The following MTMR7 variants were observed in gnomAD, a reference collection of about 807,000 sequenced individuals.
MTMR7 encodes the protein phosphatidylinositol-3-phosphate phosphatase MTMR7.
MTMR7 carries 76 observed loss-of-function variants against 81.2 expected under a neutral mutation model. The ratio of observed to expected loss-of-function variants is 0.94; its 90% confidence interval spans 0.78 to 1.13. The LOEUF (loss-of-function observed/expected upper bound fraction) is 1.13. MTMR7 is among the 50% of genes most tolerant of loss of function. The pLI, the probability that MTMR7 is intolerant of heterozygous loss-of-function variation, is 0.00. For synonymous variants in MTMR7, 372 were observed against 289.8 expected, an observed-to-expected ratio of 1.28 and a Z score of -2.88; for missense variants, 1,044 against 820.0, an observed-to-expected ratio of 1.27 and a Z score of -3.34.
chr8:17,413,153 C>G (rs569583086), intron 1 of MTMR7, 116 bp downstream of exon 1: 491 of 1,206,116 alleles, frequency 4.1e-4, no homozygotes, highest in Admixed American at 1.2e-3. Context: ...CCCTCGCCCG[C>G]GGTCCAGGCT....
chr8:17,381,409 T>C (rs1820757504), intron 1 of MTMR7, among the ~76,000 whole-genome samples: 1 of 152,036 alleles, frequency 6.6e-6, no homozygotes. Context: ...TCAGTGATCC[T>C]CTATTGTGCC....
intron 1 of MTMR7, among the ~76,000 whole-genome samples, chr8:17,385,826 C>T (rs1473880725): frequency 2.0e-5 from 3 of 152,174 alleles, no homozygotes; most frequent in African/African-American, 2.4e-5. Context: ...GCAGATGCCA[C>T]CATGCCTCCA....
At chr8:17,401,681 G>A (rs1399313629) in intron 1 of MTMR7, among the ~76,000 whole-genome samples, 2 of 152,050 alleles carry the variant, frequency 1.3e-5, no homozygotes, top group East Asian at 1.9e-4. Context: ...TTTACTATTG[G>A]CATAGATATG....
intron 1 of MTMR7, among the ~76,000 whole-genome samples, chr8:17,387,625 G>T (rs959387423): frequency 6.6e-6 from 1 of 152,324 alleles, no homozygotes. Flanking sequence ...CAATTTGACA[G>T]AAAATTTAAG....
rs531303964 is a variant in MTMR7 at position 17,374,349 on chromosome 8, G to T, written c.25-1109C>A. Among the ~76,000 whole-genome samples the T allele has an allele frequency of 4.8e-4, 73 of 152,244 alleles. 1 individual carries two copies. In the South Asian group the frequency reaches 8.1e-3, roughly 17 times the overall value. ...CTAAAAATACAAAAATTGGCCGGGA[G>T]CGGTGGCTCACGCCTGTAATCCCAG... is the stretch of plus-strand genomic sequence containing the variant. On this transcript the variant is annotated intron_variant, in intron 1 of 13. Transcript: ENST00000180173.
At chr8:17,413,225 C>A (rs774550886) in intron 1 of MTMR7, 44 bp downstream of exon 1, 3 of 1,543,644 alleles carry the variant, frequency 1.9e-6, no homozygotes, top group Admixed American at 2.0e-5. Context: ...TCCTCCTCCC[C>A]CATCTCCTCC....
chr8:17,328,446 C>T (rs1222805412), intron 7 of MTMR7, among the ~76,000 whole-genome samples: 1 of 152,006 alleles, frequency 6.6e-6, no homozygotes, highest in African/African-American at 2.4e-5. Flanking sequence ...AGCCATTATC[C>T]TCAGTAAACT....
At position 17,298,074 on chromosome 8, in the gene MTMR7, C is replaced by T. The variant is rs1312670777; in HGVS notation, c.*1788G>A. 1 of 152,010 alleles carries T rather than the reference C, an allele frequency of 6.6e-6. No individual in the cohort carries two copies. Among genetic ancestry groups the T allele is most frequent in the Admixed American group, 6.5e-5 (1 of 15,268 alleles). The allele number at this position is 152,010 out of a possible 1,614,324, so 9.4% of individuals were successfully genotyped here. ...TGTTTATTGTTTTTATAGACATACA[C>T]TGTCAAACGGAAGAAATTAAAGCCA... is the stretch of plus-strand genomic sequence containing the variant. On this transcript the variant is annotated 3_prime_UTR_variant, in exon 14 of 14. Transcript: ENST00000180173.
intron 3 of MTMR7, among the ~76,000 whole-genome samples, chr8:17,367,826 C>T (rs1291111067): frequency 1.3e-5 from 2 of 151,894 alleles, no homozygotes; most frequent in Non-Finnish European, 2.9e-5. Flanking sequence ...CTTTTCTCTT[C>T]CCTTCCCCAC....
At chr8:17,363,285 T>C (rs897543892) in intron 3 of MTMR7, among the ~76,000 whole-genome samples, 5 of 152,212 alleles carry the variant, frequency 3.3e-5, no homozygotes, top group Non-Finnish European at 7.3e-5. Context: ...CAAATGCAAG[T>C]TGTTTAGGAT....
chr8:17,362,627 C>T (rs1421630234), intron 3 of MTMR7, among the ~76,000 whole-genome samples: 2 of 152,202 alleles, frequency 1.3e-5, no homozygotes, highest in Non-Finnish European at 2.9e-5. Context: ...ACACCCTCCC[C>T]AAACGCAGAT....
At chr8:17,363,413 T>G (rs1020120690) in intron 3 of MTMR7, among the ~76,000 whole-genome samples, 2 of 152,176 alleles carry the variant, frequency 1.3e-5, no homozygotes, top group Non-Finnish European at 2.9e-5. Flanking sequence ...GCTTTAAAGG[T>G]AGAAGAAGAA....
At chr8:17,353,854 G>A (rs1035593473) in intron 4 of MTMR7, among the ~76,000 whole-genome samples, 1 of 152,106 alleles carries the variant, frequency 6.6e-6, no homozygotes, top group Non-Finnish European at 1.5e-5. Flanking sequence ...CCTGGCAAGG[G>A]GAATCTTTTG....
At chr8:17,411,979 G>A (rs1203504114) in intron 1 of MTMR7, among the ~76,000 whole-genome samples, 1 of 152,148 alleles carries the variant, frequency 6.6e-6, no homozygotes, top group Non-Finnish European at 1.5e-5. Context: ...CACCCTTCTG[G>A]AATAAATTAT....
chr8:17,411,573 C>A (rs1000810056), intron 1 of MTMR7, among the ~76,000 whole-genome samples: 10 of 152,150 alleles, frequency 6.6e-5, no homozygotes, highest in African/African-American at 2.4e-4. Flanking sequence ...TTTTCACCAG[C>A]TTTATCCCAA....
intron 1 of MTMR7, among the ~76,000 whole-genome samples, chr8:17,391,027 G>T (rs28488621): frequency 0.029 from 4,407 of 152,302 alleles, 221 homozygotes; most frequent in African/African-American, 0.1. Context: ...GAATGAGTGA[G>T]AAAGCCAGCC....
chr8:17,301,074 G>C (rs928530679), intron 13 of MTMR7, among the ~76,000 whole-genome samples: 3 of 152,134 alleles, frequency 2.0e-5, no homozygotes, highest in African/African-American at 7.2e-5. Flanking sequence ...TTCATGTTTT[G>C]ATGTTAACAC....
chr8:17,305,921 A>T lies in MTMR7; in HGVS notation c.1188T>A (p.Ser396=). The change falls in exon 11 of 14, where the codon TCT becomes TCA. Residue 396 remains serine (S), a synonymous_variant. Transcript: ENST00000180173. ...GNLDGDPKEI[S]PVIDQFIECV... is the part of the protein sequence containing the mutation. ...ACTCAATGAACTGGTCAATAACTGG[A>T]GAGATTTCTTTTGGGTCACCATCTA... 1 of 1,613,642 alleles carries T rather than the reference A, an allele frequency of 6.2e-7. No individual in the cohort carries two copies. The highest frequency in any genetic ancestry group is 8.5e-7 in the Non-Finnish European group (1 of 1,179,704).
chr8:17,364,494 A>T (rs1403703577), intron 3 of MTMR7, among the ~76,000 whole-genome samples: 1 of 152,178 alleles, frequency 6.6e-6, no homozygotes, highest in Non-Finnish European at 1.5e-5. Context: ...CCTATACTCA[A>T]CACACTGTGC....
Sources: gnomAD v4.1 joint callset for allele counts (sites outside exome capture counted in the v4.1 genomes callset) on GRCh38, gnomAD v4.1.1 for gene constraint, MANE v1.5 for transcripts, NCBI Gene and HGNC (gene_info 2026-07-23, HGNC 2026-07-21) for gene names.